The following KDM4C variants were observed in gnomAD, a reference collection of about 807,000 sequenced individuals.
KDM4C encodes the protein lysine-specific demethylase 4C.
Under a neutral mutation model 129.3 loss-of-function variants are expected in KDM4C, and 81 were observed. The observed-to-expected ratio is 0.63, with a 90% CI of 0.52 to 0.75. The LOEUF (loss-of-function observed/expected upper bound fraction) is 0.75, where lower values mean the gene tolerates loss of function less well. KDM4C is among the 30% of genes least tolerant of loss of function. The probability of loss-of-function intolerance (pLI) is 0.00; values close to 1 mark genes in which losing one functional copy is unlikely to be tolerated. For synonymous variants in KDM4C, 573 were observed against 456.1 expected (o/e 1.26, Z -3.26); for missense variants, 1,457 against 1,304.0 (o/e 1.12, Z -1.81).
intron 5 of KDM4C, among the ~76,000 whole-genome samples, chr9:6,876,669 G>T (rs1363049182): frequency 1.3e-5 from 2 of 152,156 alleles, no homozygotes; most frequent in African/African-American, 4.8e-5. Context: ...CGTGGTGTAG[G>T]GTTAGCAGGG....
intron 3 of KDM4C, among the ~76,000 whole-genome samples, chr9:6,806,584 G>C (rs187039394): frequency 2.6e-4 from 39 of 152,016 alleles, no homozygotes; most frequent in African/African-American, 9.2e-4. Context: ...TGAAGGTCAG[G>C]AATCTGACCT....
chr9:6,836,501 A>G (rs1835905176), intron 4 of KDM4C, among the ~76,000 whole-genome samples: 2 of 152,208 alleles, frequency 1.3e-5, no homozygotes, highest in South Asian at 4.1e-4. Context: ...CAACTACAAC[A>G]TTAACAGCAC....
At chr9:6,742,991 A>G (rs1461280718) in intron 1 of KDM4C, among the ~76,000 whole-genome samples, 1 of 152,106 alleles carries the variant, frequency 6.6e-6, no homozygotes, top group Non-Finnish European at 1.5e-5. Context: ...AGCCTGGGTG[A>G]CAGGGCGAGG....
At chr9:6,879,448 C>T (rs1844103458) in intron 5 of KDM4C, among the ~76,000 whole-genome samples, 1 of 151,992 alleles carries the variant, frequency 6.6e-6, no homozygotes, top group South Asian at 2.1e-4. Flanking sequence ...TTTTTTAAGG[C>T]TGATAATCTT....
rs540907015 is a variant in KDM4C, at chr9:6,782,253, A to C, written c.-17-10719A>C. ...GTCAGTTGGTGGGGAGTGTTGCCCA[A>C]AAAGCTTCATAAGGGAGTCAACGTG... is the stretch of plus-strand genomic sequence containing the variant. On this transcript the variant is annotated intron_variant, in intron 1 of 21. Coordinates refer to ENST00000381309, the MANE Select transcript of KDM4C (RefSeq NM_015061.6). 1.3e-4 allele frequency among the ~76,000 whole-genome samples: 20 copies of C among 152,328 alleles called. No homozygotes were observed. The South Asian group carries it at 3.1e-3, about 24-fold the overall frequency.
chr9:7,018,058 C>A (rs1251577089), intron 15 of KDM4C, among the ~76,000 whole-genome samples: 1 of 152,156 alleles, frequency 6.6e-6, no homozygotes, highest in African/African-American at 2.4e-5. Context: ...TACAGGTATG[C>A]ATTACTTAAT....
rs539124449 is a variant in KDM4C at position 7,119,636 on chromosome 9, A to G, written c.2611-8430A>G. On this transcript the variant is annotated intron_variant, in intron 18 of 21. Transcript: ENST00000381309. ...GGTCAGGGAACCAAAAAGGAAAAAGAAAAAAAAAAAGAAAGAAAAACAAGT... is the reference window on the plus strand; with the variant it reads ...GGTCAGGGAACCAAAAAGGAAAAAGGAAAAAAAAAAGAAAGAAAAACAAGT... 2.0e-5 allele frequency among the ~76,000 whole-genome samples: 3 copies of G among 147,928 alleles called. No homozygotes were observed. In the South Asian group the frequency reaches 6.4e-4, roughly 32 times the overall value.
chr9:6,877,796 A>G (rs1268106365), intron 5 of KDM4C, among the ~76,000 whole-genome samples: 2 of 152,194 alleles, frequency 1.3e-5, no homozygotes, highest in African/African-American at 2.4e-5. Flanking sequence ...TGTTATGTGG[A>G]AACATTAAAA....
At chr9:7,039,521 G>A (rs915334262) in intron 15 of KDM4C, among the ~76,000 whole-genome samples, 5 of 151,900 alleles carry the variant, frequency 3.3e-5, no homozygotes, top group Non-Finnish European at 5.9e-5. Context: ...AGTCAGAGGT[G>A]CTGACCCCCA....
chr9:6,919,581 A>ATCTG (rs1554644042), intron 8 of KDM4C, among the ~76,000 whole-genome samples: 7 of 147,200 alleles, frequency 4.8e-5, no homozygotes, highest in Non-Finnish European at 9.0e-5. Flanking sequence ...CTATCTATCT[A>ATCTG]TCTATCTATC....
At chr9:6,795,585 G>A (rs1162286148) in intron 2 of KDM4C, among the ~76,000 whole-genome samples, 1 of 152,032 alleles carries the variant, frequency 6.6e-6, no homozygotes, top group African/African-American at 2.4e-5. Flanking sequence ...GCCTTCCTTG[G>A]CCTCCCAAAA....
At chr9:6,854,977 C>T (rs1345224360) in intron 5 of KDM4C, among the ~76,000 whole-genome samples, 2 of 152,142 alleles carry the variant, frequency 1.3e-5, no homozygotes, top group Non-Finnish European at 1.5e-5. Flanking sequence ...TGGCACCCAC[C>T]TTGTAAGGCA....
rs191779092 is a variant in KDM4C, at chr9:6,740,321, A to C, written c.49+19324A>C. ...CGGGTTCACGCCATTCTCCTGCCTC[A>C]GCCTCCCTAGCAGCTGAGACTACAG... On this transcript the variant is annotated intron_variant, in intron 1 of 17. Transcript: ENST00000536108. 9.9e-3 allele frequency among the ~76,000 whole-genome samples: 1,507 copies of C among 152,018 alleles called. 29 individuals are homozygous for C. The highest frequency in any genetic ancestry group is 0.035 in the African/African-American group (1,437 of 41,438).
intron 21 of KDM4C, among the ~76,000 whole-genome samples, chr9:7,173,337 C>T (rs929597530): frequency 6.6e-6 from 1 of 152,212 alleles, no homozygotes; most frequent in Non-Finnish European, 1.5e-5. Flanking sequence ...TATGACCAGG[C>T]CCTGCAACTG....
At chr9:6,866,148 G>A (rs997545973) in intron 5 of KDM4C, among the ~76,000 whole-genome samples, 2 of 149,378 alleles carry the variant, frequency 1.3e-5, no homozygotes, top group African/African-American at 2.5e-5. Flanking sequence ...GCCTCCCAAC[G>A]TGCTGGGACT....
At chr9:6,820,964 T>G (rs1832937200) in intron 4 of KDM4C, among the ~76,000 whole-genome samples, 1 of 144,216 alleles carries the variant, frequency 6.9e-6, no homozygotes, top group African/African-American at 2.6e-5. Context: ...AGTAAGAACA[T>G]GCATTGTTTG....
intron 4 of KDM4C, among the ~76,000 whole-genome samples, chr9:6,840,387 C>G (rs1836697633): frequency 6.6e-6 from 1 of 151,174 alleles, no homozygotes; most frequent in Non-Finnish European, 1.5e-5. Context: ...TTCTAATTTT[C>G]TCTTTTTCTT....
Position 6,984,257 on chromosome 9 carries a change from C to G in KDM4C, c.1207C>G (p.Pro403Ala), listed in dbSNP as rs757345903. The change falls in exon 10 of 22, where the codon CCC (proline) becomes GCC (alanine). Residue 403 changes from proline (P) to alanine (A), a missense_variant. By Grantham distance (27) the Pro-to-Ala change is conservative (BLOSUM62 -1). Coordinates refer to ENST00000381309, the MANE Select transcript of KDM4C (RefSeq NM_015061.6). Reference sequence around the variant, plus strand: ...AGTCGATGGGGCAGAGGTCCCTAACCCCGACTCAGTCACAGATGACCTCAA... The same window carrying G: ...AGTCGATGGGGCAGAGGTCCCTAACGCCGACTCAGTCACAGATGACCTCAA... Reference protein sequence around the residue: ...DEVDGAEVPNPDSVTDDLKVS... With the variant: ...DEVDGAEVPNADSVTDDLKVS... The G allele has an allele frequency of 3.7e-6, 6 of 1,613,972 alleles. No homozygotes were observed. In the South Asian group the frequency reaches 4.4e-5, roughly 12 times the overall value.
chr9:6,801,720 A>G (rs1437558249), intron 2 of KDM4C, among the ~76,000 whole-genome samples: 3 of 152,114 alleles, frequency 2.0e-5, no homozygotes, highest in Non-Finnish European at 4.4e-5. Flanking sequence ...ATATAAAAGA[A>G]TATATAAAAG....
Sources: gnomAD v4.1 joint callset for allele counts (sites outside exome capture counted in the v4.1 genomes callset) on GRCh38, gnomAD v4.1.1 for gene constraint, MANE v1.5 for transcripts, NCBI Gene and HGNC (gene_info 2026-07-23, HGNC 2026-07-21) for gene names.